TRPM2: variants seen among roughly 807,000 people sequenced by gnomAD.
TRPM2 encodes estrogen-responsive element-associated gene 1 protein.
Under a neutral mutation model 174.0 loss-of-function variants are expected in TRPM2, and 161 were observed. The observed-to-expected ratio is 0.93, with a 90% CI of 0.81 to 1.05. The LOEUF is 1.05. Ranked by LOEUF, TRPM2 falls within the 50% of genes least tolerant of loss-of-function variation. The pLI, the probability that TRPM2 is intolerant of heterozygous loss-of-function variation, is 0.00. For missense variants in TRPM2, 2,057 were observed against 2,038.0 expected (o/e 1.01, Z -0.18); for synonymous variants, 954 against 861.3 (o/e 1.11, Z -1.88).
At chr21:44,433,602 C>T (rs976227298) in intron 27 of TRPM2, among the ~76,000 whole-genome samples, 11 of 152,174 alleles carry the variant, frequency 7.2e-5, no homozygotes, top group African/African-American at 1.9e-4. Context: ...GACTGAGCCC[C>T]GGCCTTCGAG....
chr21:44,366,193 C>A lies in TRPM2; in HGVS notation c.424-561C>A, dbSNP rs142203573. ...GTGTTCAGACGGGAGGCAGAGGAAG[C>A]TGGGCCCACTGAGTCCCCAGGACGG... On this transcript the variant is annotated intron_variant, in intron 3 of 31. Coordinates refer to ENST00000397928, the MANE Select transcript of TRPM2 (RefSeq NM_003307.4). The surrounding 1 kb of genome is among the most constrained non-coding windows in gnomAD (Gnocchi z 6.0). Among the ~76,000 whole-genome samples the A allele has an allele frequency of 1.4e-3, 219 of 152,004 alleles. 1 individual carries two copies. Among genetic ancestry groups the A allele is most frequent in the Middle Eastern group, 0.01 (3 of 294 alleles).
intron 25 of TRPM2, 35 bp downstream of exon 25, chr21:44,425,862 G>T: frequency 2.0e-6 from 3 of 1,508,130 alleles, no homozygotes; most frequent in Non-Finnish European, 2.7e-6. Flanking sequence ...AGGCGGAGTG[G>T]CCGGGCCCCT....
In TRPM2 at chr21:44,374,400, G is replaced by A. The variant is rs546035030; in HGVS notation, c.772-1433G>A. The stretch of plus-strand genomic sequence containing the variant: ...AGAGAGTTTTTCCACAGATGGGGGC[G>A]GGGTGGTAAGCGGTTGGTTTGGGGA... On this transcript the variant is annotated intron_variant, in intron 5 of 31. Transcript: ENST00000397928. Among the ~76,000 whole-genome samples, 314 of 152,266 alleles carry A rather than the reference G, an allele frequency of 2.1e-3. 1 individual carries two copies. Among genetic ancestry groups the A allele is most frequent in the African/African-American group, 7.3e-3 (304 of 41,556 alleles).
intron 8 of TRPM2, among the ~76,000 whole-genome samples, chr21:44,381,948 AGATG>A (rs1324156885): frequency 1.9e-5 from 2 of 107,078 alleles, no homozygotes; most frequent in South Asian, 3.2e-4. Flanking sequence ...TATGATAGAT[AGATG>A]GATAGATAGA....
At chr21:44,360,760 T>C (rs2048186391) in intron 2 of TRPM2, among the ~76,000 whole-genome samples, 1 of 151,934 alleles carries the variant, frequency 6.6e-6, no homozygotes, top group Non-Finnish European at 1.5e-5. Context: ...AGAGATGGGG[T>C]TTCACCATGT....
At chr21:44,396,832 CTGTGGAGGGG>C (rs1484723661) in intron 12 of TRPM2, among the ~76,000 whole-genome samples, 1 of 7,774 alleles carries the variant, frequency 1.3e-4, no homozygotes, top group East Asian at 2.2e-3. Context: ...GGTGTGGAGG[CTGTGGAGGGG>C]TGTGGAGGGA....
chr21:44,376,701 A>G lies in TRPM2; in HGVS notation c.952+688A>G, dbSNP rs919361073. Among the ~76,000 whole-genome samples the G allele has an allele frequency of 6.6e-6, 1 of 152,172 alleles. No homozygotes were observed. Among genetic ancestry groups the G allele is most frequent in the Non-Finnish European group, 1.5e-5 (1 of 68,038 alleles). On this transcript the variant is annotated intron_variant, in intron 6 of 31. Transcript: ENST00000397928. The surrounding 1 kb of genome is among the most constrained non-coding windows in gnomAD (Gnocchi z 4.2). ...GGTCAAGTGCGGGGTTTTGCATATC[A>G]CTTGAGGAGGGTTCAAAGAGGAGAT... is the stretch of plus-strand genomic sequence containing the variant.
At chr21:44,378,284 C>T (rs2048766325) in intron 7 of TRPM2, among the ~76,000 whole-genome samples, 1 of 152,206 alleles carries the variant, frequency 6.6e-6, no homozygotes, top group Non-Finnish European at 1.5e-5. Context: ...GTGCAGGGTG[C>T]GAGGTGACCT....
chr21:44,380,249 A>G (rs899758272), intron 8 of TRPM2, among the ~76,000 whole-genome samples: 1 of 152,176 alleles, frequency 6.6e-6, no homozygotes, highest in African/African-American at 2.4e-5. Context: ...TTCTGCACAG[A>G]TGTCTTCTGA....
In TRPM2 at chr21:44,432,178, A is replaced by G. The variant is rs1275792081; in HGVS notation, c.3975-2953A>G. Among the ~76,000 whole-genome samples the G allele has an allele frequency of 6.6e-6, 1 of 152,234 alleles. No homozygotes were observed. Among genetic ancestry groups the G allele is most frequent in the Non-Finnish European group, 1.5e-5 (1 of 68,054 alleles). ...AGTACCACAAACTGGGGGGCTTAAC[A>G]GAAATGGATTATCTCACAGTTCTGA... On this transcript the variant is annotated intron_variant, in intron 27 of 31. Coordinates refer to ENST00000397928, the MANE Select transcript of TRPM2 (RefSeq NM_003307.4). The surrounding 1 kb of genome is among the most constrained non-coding windows in gnomAD (Gnocchi z 4.9).
rs774363323 is a variant in TRPM2, at chr21:44,369,345, T to C, written c.771+2T>C. On this transcript the variant is annotated splice_donor_variant, in intron 5 of 31. Transcript: ENST00000397928. LOFTEE classifies it high-confidence loss of function. ...CGCGAGGGCCTGATCCATCCCACGG[T>C]GAGTGCGGCCCCCTAGGGAGGGGAG... 4.4e-6 allele frequency: 7 copies of C among 1,608,400 alleles called. No individual in the cohort carries two copies. Among genetic ancestry groups the C allele is most frequent in the Non-Finnish European group, 5.9e-6 (7 of 1,176,584 alleles).
chr21:44,374,442 C>A (rs1022700944), intron 5 of TRPM2, among the ~76,000 whole-genome samples: 13 of 152,052 alleles, frequency 8.5e-5, no homozygotes, highest in African/African-American at 2.9e-4. Context: ...AAGCACGTTA[C>A]GTTTATTGTG....
chr21:44,408,517 C>T (rs1032096065), intron 19 of TRPM2, among the ~76,000 whole-genome samples: 9 of 151,896 alleles, frequency 5.9e-5, no homozygotes, highest in Admixed American at 2.0e-4. Flanking sequence ...GCTCGCATCC[C>T]GGTGGGTGAG....
chr21:44,429,034 T>C (rs1450680127), intron 27 of TRPM2, among the ~76,000 whole-genome samples: 2 of 152,212 alleles, frequency 1.3e-5, no homozygotes, highest in Non-Finnish European at 2.9e-5. Context: ...TTTTTCTAGC[T>C]CCATGACAAA....
chr21:44,393,027 C>T lies in TRPM2; in HGVS notation c.1794+1402C>T, dbSNP rs569725777. On this transcript the variant is annotated intron_variant, in intron 11 of 31. Transcript: ENST00000397928. ...TTCAAGGGAACCCTGCTCTAATCTC[C>T]ACCCTTATCCAATGGGAACCCTGCT... is the stretch of plus-strand genomic sequence containing the variant. 2.3e-4 allele frequency among the ~76,000 whole-genome samples: 35 copies of T among 152,090 alleles called. 1 individual carries two copies. The South Asian group carries it at 3.7e-3, about 16-fold the overall frequency.
At chr21:44,356,892 T>C (rs181687988) in intron 2 of TRPM2, among the ~76,000 whole-genome samples, 57 of 152,368 alleles carry the variant, frequency 3.7e-4, no homozygotes, top group African/African-American at 1.3e-3. Context: ...CCATGGCATC[T>C]GCCAACTGTC....
At chr21:44,440,733 C>T (rs1190128846) in intron 30 of TRPM2, 56 bp from the exon 31 acceptor site, 15 of 1,482,250 alleles carry the variant, frequency 1.0e-5, no homozygotes, top group South Asian at 4.5e-5. Context: ...CGAGGTGGGC[C>T]GGGGCACCGC....
intron 9 of TRPM2, among the ~76,000 whole-genome samples, chr21:44,386,890 G>A (rs903194863): frequency 6.6e-6 from 1 of 152,102 alleles, no homozygotes; most frequent in Admixed American, 6.6e-5. Context: ...TGGTAATGGT[G>A]TAAAGAAAGA....
At chr21:44,403,834 T>C (rs1480198097) in intron 16 of TRPM2, among the ~76,000 whole-genome samples, 1 of 151,178 alleles carries the variant, frequency 6.6e-6, no homozygotes, top group African/African-American at 2.4e-5. Context: ...CACACATGCA[T>C]ACACACATTA....
Sources: allele counts gnomAD v4.1 joint callset (sites outside exome capture counted in the v4.1 genomes callset), GRCh38; gene constraint gnomAD v4.1.1; non-coding constraint Gnocchi (gnomAD v3.1); transcripts MANE v1.5; gene names NCBI Gene and HGNC (gene_info 2026-07-23, HGNC 2026-07-21).